The following ERC1 variants were observed in gnomAD, a reference collection of about 807,000 sequenced individuals.
ERC1 encodes the protein ELKS/RAB6-interacting/CAST family member 1.
A neutral mutation model predicts 132.0 loss-of-function variants in ERC1; 56 were observed. The ratio of observed to expected loss-of-function variants is 0.42; its 90% CI spans 0.34 to 0.53. The LOEUF is 0.53. Ranked by LOEUF, ERC1 falls within the 20% of genes least tolerant of loss-of-function variation. The pLI is 0.03. For synonymous variants in ERC1, 478 were observed against 476.1 expected, an observed-to-expected ratio of 1.00 and a Z score of -0.05; for missense variants, 1,202 against 1,349.9, an observed-to-expected ratio of 0.89 and a Z score of 1.72.
At chr12:1,006,101 C>T (rs1401547044) in intron 1 of ERC1, among the ~76,000 whole-genome samples, 5 of 151,826 alleles carry the variant, frequency 3.3e-5, no homozygotes, top group African/African-American at 7.3e-5. Context: ...GGAATACAGG[C>T]GCCTGCCACC....
At chr12:1,380,426 G>C (rs2088509752) in intron 16 of ERC1, 2 of 152,234 alleles carry the variant, frequency 1.3e-5, no homozygotes, top group African/African-American at 4.8e-5. Flanking sequence ...CTCCTTCTCA[G>C]ATAAGCACAA....
At chr12:1,155,773 T>A (rs1288861540) in intron 8 of ERC1, among the ~76,000 whole-genome samples, 2 of 152,120 alleles carry the variant, frequency 1.3e-5, no homozygotes, top group Admixed American at 1.3e-4. Context: ...GCCCTGCTGA[T>A]AAGTATTTTT....
chr12:1,418,649 C>T (rs1435936099), intron 17 of ERC1, among the ~76,000 whole-genome samples: 286 of 137,558 alleles, frequency 2.1e-3, no homozygotes, highest in African/African-American at 7.7e-3. Flanking sequence ...CTTTCTCTCT[C>T]TCTCTCTCTC....
At chr12:1,042,886 A>G (rs1180452755) in intron 2 of ERC1, among the ~76,000 whole-genome samples, 1 of 152,096 alleles carries the variant, frequency 6.6e-6, no homozygotes, top group Non-Finnish European at 1.5e-5. Flanking sequence ...AGGAACTTAA[A>G]GTAGGTACTA....
intron 15 of ERC1, among the ~76,000 whole-genome samples, chr12:1,299,242 G>A (rs2080211258): frequency 6.6e-6 from 1 of 152,144 alleles, no homozygotes; most frequent in South Asian, 2.1e-4. Flanking sequence ...AAGTGCATAT[G>A]GAAGTTTCAC....
intron 12 of ERC1, among the ~76,000 whole-genome samples, chr12:1,220,003 T>C (rs1372105706): frequency 6.6e-6 from 1 of 152,164 alleles, no homozygotes; most frequent in East Asian, 1.9e-4. Context: ...TTGCCACCCC[T>C]GTAACCCCAC....
intron 18 of ERC1, among the ~76,000 whole-genome samples, chr12:1,466,652 G>C (rs965425725): frequency 6.6e-6 from 1 of 152,156 alleles, no homozygotes; most frequent in African/African-American, 2.4e-5. Flanking sequence ...AGGTCCTGGC[G>C]AATCTGTTAT....
intron 15 of ERC1, among the ~76,000 whole-genome samples, chr12:1,307,868 G>A (rs2080998370): frequency 6.6e-6 from 1 of 152,222 alleles, no homozygotes; most frequent in Middle Eastern, 3.4e-3. Context: ...TGAACTGTAG[G>A]CTAATAAAAA....
rs570787683 is a variant in ERC1 at position 1,097,747 on chromosome 12, C to T, written c.1087-7003C>T. ...TTTTTTTTTTTGAGACAGAGTCTCACTCTGTTGCCCAAGCTGGAGTGCAAT... is the reference window on the plus strand; with the variant it reads ...TTTTTTTTTTTGAGACAGAGTCTCATTCTGTTGCCCAAGCTGGAGTGCAAT... On this transcript the variant is annotated intron_variant, in intron 3 of 18. Transcript: ENST00000360905. 8.6e-4 allele frequency among the ~76,000 whole-genome samples: 128 copies of T among 148,738 alleles called. 1 individual carries two copies. The highest frequency in any genetic ancestry group is 7.1e-3 in the Middle Eastern group (2 of 282).
At chr12:1,253,928 A>G (rs950332851) in intron 13 of ERC1, among the ~76,000 whole-genome samples, 11 of 152,144 alleles carry the variant, frequency 7.2e-5, no homozygotes, top group African/African-American at 2.7e-4. Flanking sequence ...GATTCTTTGA[A>G]AGGTCTTCCT....
At chr12:1,160,718 A>T (rs1951807972) in intron 8 of ERC1, among the ~76,000 whole-genome samples, 1 of 152,166 alleles carries the variant, frequency 6.6e-6, no homozygotes, top group South Asian at 2.1e-4. Context: ...CAAAAAAAAA[A>T]TCAAATCTAA....
intron 18 of ERC1, among the ~76,000 whole-genome samples, chr12:1,457,978 G>A (rs970957726): frequency 2.0e-5 from 3 of 152,212 alleles, no homozygotes; most frequent in African/African-American, 7.2e-5. Flanking sequence ...GGCATGGTCA[G>A]TGAGGCTGGT....
At chr12:1,096,530 C>T (rs1172900461) in intron 3 of ERC1, among the ~76,000 whole-genome samples, 2 of 152,038 alleles carry the variant, frequency 1.3e-5, no homozygotes, top group African/African-American at 4.8e-5. Context: ...TACCGTGTGC[C>T]CAGTCAATCA....
intron 2 of ERC1, among the ~76,000 whole-genome samples, chr12:1,074,053 C>CG (rs71055125): frequency 0.99 from 150,527 of 152,028 alleles, 74,531 homozygotes; most frequent in East Asian, 1. Flanking sequence ...TTAGTAGAGA[C>CG]GGCTTTCACC....
At chr12:1,415,523 G>A (rs189475490) in intron 17 of ERC1, among the ~76,000 whole-genome samples, 53 of 152,308 alleles carry the variant, frequency 3.5e-4, no homozygotes, top group Non-Finnish European at 6.6e-4. Context: ...CCATCTTAGT[G>A]GAGTTGTCAG....
rs372646011 is a variant in ERC1 at position 1,304,870 on chromosome 12, A to G, written c.2780+14858A>G. Among the ~76,000 whole-genome samples the G allele has an allele frequency of 9.1e-3, 1,259 of 138,002 alleles. 7 individuals carry two copies. The highest frequency in any genetic ancestry group is 0.014 in the Admixed American group (171 of 12,492). 90.5% of individuals were successfully genotyped at this position (138,002 alleles called of 152,430 possible). A position where few individuals can be genotyped will look rare whatever the true frequency, so the allele number is the denominator to read the frequency against. Reference sequence around the variant, plus strand: ...AGTGGCGTGATCTCGGCTCACTGCAAGCTCCGCCTCCCGGGTTGACGCCAT... The same window carrying G: ...AGTGGCGTGATCTCGGCTCACTGCAGGCTCCGCCTCCCGGGTTGACGCCAT... On this transcript the variant is annotated intron_variant, in intron 15 of 18. Coordinates refer to ENST00000360905, the MANE Select transcript of ERC1 (RefSeq NM_178040.4).
At chr12:1,385,339 G>A (rs2089197535) in intron 16 of ERC1, among the ~76,000 whole-genome samples, 1 of 151,992 alleles carries the variant, frequency 6.6e-6, no homozygotes, top group Non-Finnish European at 1.5e-5. Context: ...CTGGAGTGCA[G>A]TGGTGTGATC....
chr12:1,204,571 T>G, intron 12 of ERC1: 3 of 1,470,122 alleles, frequency 2.0e-6, no homozygotes, highest in Non-Finnish European at 2.8e-6. Context: ...GCGAATATTG[T>G]CTTGAATTCT....
At chr12:1,051,428 G>T (rs1396343630) in intron 2 of ERC1, among the ~76,000 whole-genome samples, 1 of 151,306 alleles carries the variant, frequency 6.6e-6, no homozygotes, top group Non-Finnish European at 1.5e-5. Flanking sequence ...GGTGGCTCAT[G>T]CCTGTAATCC....
Sources: allele counts gnomAD v4.1 joint callset (sites outside exome capture counted in the v4.1 genomes callset), GRCh38; gene constraint gnomAD v4.1.1; transcripts MANE v1.5; gene names NCBI Gene and HGNC (gene_info 2026-07-23, HGNC 2026-07-21).